The following PTPRM variants were observed in gnomAD, a reference collection of about 807,000 sequenced individuals.
The protein encoded by PTPRM is protein tyrosine phosphatase receptor type M, also known as receptor-type tyrosine-protein phosphatase mu.
In PTPRM, 47 loss-of-function variants were observed where a neutral mutation model predicts 186.7. The ratio of observed to expected loss-of-function variants is 0.25; its 90% CI spans 0.20 to 0.32. PTPRM has a LOEUF of 0.32. PTPRM is among the 10% of genes least tolerant of loss of function. The probability of loss-of-function intolerance (pLI) is 1.00; values close to 1 mark genes in which losing one functional copy is unlikely to be tolerated. For missense variants in PTPRM, 1,494 were observed against 1,865.0 expected, an observed-to-expected ratio of 0.80 and a Z score of 3.66; for synonymous variants, 668 against 674.9, an observed-to-expected ratio of 0.99 and a Z score of 0.16.
intron 22 of PTPRM, among the ~76,000 whole-genome samples, chr18:8,321,454 G>T (rs2095345247): frequency 6.6e-6 from 1 of 152,162 alleles, no homozygotes; most frequent in Admixed American, 6.5e-5. Flanking sequence ...ATTCTTTAAA[G>T]AGAAATGCCA....
chr18:7,692,586 C>T (rs2039757586), intron 1 of PTPRM, among the ~76,000 whole-genome samples: 1 of 152,158 alleles, frequency 6.6e-6, no homozygotes, highest in Non-Finnish European at 1.5e-5. Context: ...TATTTTGAAT[C>T]ATTATGTGAA....
intron 19 of PTPRM, among the ~76,000 whole-genome samples, chr18:8,260,318 AAGCCC>A (rs1225510999): frequency 6.6e-6 from 1 of 152,036 alleles, no homozygotes; most frequent in Non-Finnish European, 1.5e-5. Context: ...ACGCACCACC[AAGCCC>A]AGCTAACTTT....
At chr18:8,169,488 C>T (rs1386984571) in intron 14 of PTPRM, among the ~76,000 whole-genome samples, 1 of 152,168 alleles carries the variant, frequency 6.6e-6, no homozygotes, top group East Asian at 1.9e-4. Flanking sequence ...ACTCTCTGAA[C>T]ACTTCATAAA....
At chr18:8,167,746 C>T (rs941681590) in intron 14 of PTPRM, among the ~76,000 whole-genome samples, 2 of 152,220 alleles carry the variant, frequency 1.3e-5, no homozygotes, top group African/African-American at 4.8e-5. Flanking sequence ...CTTGTGAACC[C>T]TTCCTTCAGA....
intron 5 of PTPRM, among the ~76,000 whole-genome samples, chr18:7,928,085 A>C (rs1048016453): frequency 7.2e-5 from 11 of 152,262 alleles, no homozygotes; most frequent in African/African-American, 2.6e-4. Flanking sequence ...AATGGGAGAC[A>C]TTTGAGTGTA....
intron 14 of PTPRM, among the ~76,000 whole-genome samples, chr18:8,205,757 A>T: frequency 6.6e-6 from 1 of 152,174 alleles, no homozygotes; most frequent in South Asian, 2.1e-4. Context: ...TATGTAATAT[A>T]AAATAATCTT....
At chr18:8,051,896 G>A (rs2087527666) in intron 7 of PTPRM, among the ~76,000 whole-genome samples, 1 of 152,058 alleles carries the variant, frequency 6.6e-6, no homozygotes, top group Admixed American at 6.6e-5. Flanking sequence ...GTTGTTACAT[G>A]GTTATTACAT....
intron 1 of PTPRM, among the ~76,000 whole-genome samples, chr18:7,708,239 C>T (rs2040137600): frequency 6.6e-6 from 1 of 152,088 alleles, no homozygotes; most frequent in Non-Finnish European, 1.5e-5. Context: ...TAACGTTTTC[C>T]AGTCTGTGTT....
chr18:7,937,983 T>G lies in PTPRM; in HGVS notation c.664-11198T>G, dbSNP rs76756623. On this transcript the variant is annotated intron_variant, in intron 5 of 32. Coordinates refer to ENST00000580170, the MANE Select transcript of PTPRM (RefSeq NM_001105244.2). ...TGTGATGACATATTCTAGGTGTATA[T>G]TTTCCATTTTCTACTTCAGACCTAG... is the stretch of plus-strand genomic sequence containing the variant. 5.8e-3 allele frequency among the ~76,000 whole-genome samples: 879 copies of G among 152,320 alleles called. 9 individuals are homozygous for G. Among genetic ancestry groups the G allele is most frequent in the African/African-American group, 0.02 (819 of 41,576 alleles).
chr18:7,848,282 C>G (rs1315486853), intron 2 of PTPRM, among the ~76,000 whole-genome samples: 1 of 152,132 alleles, frequency 6.6e-6, no homozygotes, highest in Non-Finnish European at 1.5e-5. Context: ...ATTGGCCAGG[C>G]AGCTGTAAGA....
intron 1 of PTPRM, among the ~76,000 whole-genome samples, chr18:7,605,999 G>A (rs193249022): frequency 2.0e-5 from 3 of 152,310 alleles, no homozygotes; most frequent in African/African-American, 7.2e-5. Flanking sequence ...AAGGCAGGGA[G>A]CTTTTCTGGA....
In PTPRM at chr18:8,240,623, GA is replaced by G. The variant is rs1568583362; in HGVS notation, c.2301-3434del. On this transcript the variant is annotated intron_variant, in intron 14 of 32. Transcript: ENST00000580170. ...GGAGAGAGAGAGAGAGGGAGGGAGA[GA>G]GAGAGAGAGAGAGAGAGAGAGAGAG... Among the ~76,000 whole-genome samples, 28 of 26,206 alleles carry G rather than the reference GA, an allele frequency of 1.1e-3. 1 individual carries two copies. Among genetic ancestry groups the G allele is most frequent in the African/African-American group, 4.2e-3 (21 of 5,026 alleles). 17.2% of individuals were successfully genotyped at this position (26,206 alleles called of 152,430 possible). A position where few individuals can be genotyped will look rare whatever the true frequency, so the allele number is the denominator to read the frequency against.
At chr18:8,036,560 T>G (rs1411829138) in intron 7 of PTPRM, among the ~76,000 whole-genome samples, 15 of 152,192 alleles carry the variant, frequency 9.9e-5, no homozygotes, top group African/African-American at 3.6e-4. Context: ...TGACTATTAT[T>G]TTGACTGCAG....
chr18:7,654,240 G>A (rs1238426805), intron 1 of PTPRM, among the ~76,000 whole-genome samples: 1 of 152,086 alleles, frequency 6.6e-6, no homozygotes, highest in African/African-American at 2.4e-5. Context: ...AATATAGCTT[G>A]CAAAATTTTT....
intron 1 of PTPRM, among the ~76,000 whole-genome samples, chr18:7,738,399 T>C (rs2040816456): frequency 2.0e-5 from 3 of 152,130 alleles, no homozygotes; most frequent in Non-Finnish European, 4.4e-5. Flanking sequence ...GGTGAATATG[T>C]TGGATGAGAC....
At position 7,669,135 on chromosome 18, in the gene PTPRM, A is replaced by G. The variant is rs375808613; in HGVS notation, c.73+101244A>G. Among the ~76,000 whole-genome samples the G allele has an allele frequency of 4.6e-5, 7 of 152,084 alleles. No individual in the cohort carries two copies. The East Asian group carries it at 7.8e-4, about 17-fold the overall frequency. The stretch of plus-strand genomic sequence containing the variant: ...GTGTGGGTTTCCAGTTATCCTTGAA[A>G]CCTAGGAAAGAAAGGGCAGGGAGAT... On this transcript the variant is annotated intron_variant, in intron 1 of 32. Transcript: ENST00000580170.
At chr18:8,362,671 GT>G (rs2095604217) in intron 23 of PTPRM, among the ~76,000 whole-genome samples, 1 of 152,192 alleles carries the variant, frequency 6.6e-6, no homozygotes, top group Non-Finnish European at 1.5e-5. Context: ...TTGTAAGGTA[GT>G]TTCCCTTATG....
At chr18:8,229,758 T>A (rs2094261581) in intron 14 of PTPRM, among the ~76,000 whole-genome samples, 1 of 152,216 alleles carries the variant, frequency 6.6e-6, no homozygotes, top group Non-Finnish European at 1.5e-5. Flanking sequence ...TGAGAAAGAC[T>A]AATTTTTATT....
At chr18:7,604,357 G>A (rs922611455) in intron 1 of PTPRM, among the ~76,000 whole-genome samples, 3 of 152,230 alleles carry the variant, frequency 2.0e-5, no homozygotes, top group African/African-American at 7.2e-5. Context: ...CATAGCTGCT[G>A]CTCTGGTAAA....
Sources: allele counts gnomAD v4.1 joint callset (sites outside exome capture counted in the v4.1 genomes callset), GRCh38; gene constraint gnomAD v4.1.1; transcripts MANE v1.5; gene names NCBI Gene and HGNC (gene_info 2026-07-23, HGNC 2026-07-21).